The following OR6N1 variants were observed in gnomAD, a reference collection of about 807,000 sequenced individuals.
The protein encoded by OR6N1 is olfactory receptor family 6 subfamily N member 1.
For synonymous variants in OR6N1, 170 were observed against 150.7 expected (o/e 1.13, Z -0.94); for missense variants, 394 against 371.7 (o/e 1.06, Z -0.49).
At chr1:158,790,681 G>A in the OR6N1 span, among the ~76,000 whole-genome samples, 1 of 152,322 alleles carries the variant, frequency 6.6e-6, no homozygotes, top group South Asian at 2.1e-4. Context: ...TGGGATTACA[G>A]GCGTGAGCCA....
chr1:158,805,569 C>T, the OR6N1 span, among the ~76,000 whole-genome samples: 2 of 152,086 alleles, frequency 1.3e-5, no homozygotes, highest in Non-Finnish European at 2.9e-5. Context: ...CTCAGTAACT[C>T]AGCACATCTG....
upstream of OR6N1, chr1:158,776,870 T>C (rs1657611398): frequency 3.1e-6 from 5 of 1,614,164 alleles, no homozygotes; most frequent in Non-Finnish European, 4.2e-6. Flanking sequence ...TACATGAAGA[T>C]GATGCTCCCA....
upstream of OR6N1, among the ~76,000 whole-genome samples, chr1:158,772,566 C>T (rs1470512520): frequency 6.6e-6 from 1 of 152,138 alleles, no homozygotes; most frequent in African/African-American, 2.4e-5. Flanking sequence ...TTTGACTGAC[C>T]TTCTTTGACC....
chr1:158,812,910 A>T, the OR6N1 span, among the ~76,000 whole-genome samples: 12,977 of 152,228 alleles, frequency 0.085, 650 homozygotes, highest in East Asian at 0.12. Flanking sequence ...GGAAAATATG[A>T]GATGTCTAAC....
the OR6N1 span, among the ~76,000 whole-genome samples, chr1:158,837,500 A>G: frequency 6.6e-6 from 1 of 151,606 alleles, no homozygotes; most frequent in Non-Finnish European, 1.5e-5. Context: ...TTTTTATTTT[A>G]TCTGATCCTA....
At chr1:158,800,488 G>A in the OR6N1 span, among the ~76,000 whole-genome samples, 1 of 152,168 alleles carries the variant, frequency 6.6e-6, no homozygotes, top group Non-Finnish European at 1.5e-5. Context: ...TGAGCTGGAT[G>A]CTCAGAGAAA....
chr1:158,785,953 T>C, the OR6N1 span, among the ~76,000 whole-genome samples: 1 of 151,870 alleles, frequency 6.6e-6, no homozygotes, highest in African/African-American at 2.4e-5. Flanking sequence ...CTAAATCTCA[T>C]GATCATGACT....
chr1:158,830,697 C>A, the OR6N1 span, among the ~76,000 whole-genome samples: 1 of 152,122 alleles, frequency 6.6e-6, no homozygotes, highest in African/African-American at 2.4e-5. Flanking sequence ...ATGATATGAA[C>A]CAACTATCCA....
At chr1:158,806,458 C>T in the OR6N1 span, among the ~76,000 whole-genome samples, 2 of 152,102 alleles carry the variant, frequency 1.3e-5, no homozygotes, top group Non-Finnish European at 2.9e-5. Flanking sequence ...ACATGCTTAA[C>T]GTTCTTTTAT....
the OR6N1 span, among the ~76,000 whole-genome samples, chr1:158,820,970 G>C: frequency 6.6e-6 from 1 of 152,182 alleles, no homozygotes; most frequent in African/African-American, 2.4e-5. Context: ...TAGAGAAGAA[G>C]TTCAATGAAT....
upstream of OR6N1, chr1:158,775,426 G>C (rs148511695): frequency 6.6e-6 from 1 of 152,160 alleles, no homozygotes; most frequent in Non-Finnish European, 1.5e-5. Flanking sequence ...GGGAGTAGAG[G>C]TATGAATCTA....
chr1:158,801,290 C>A, the OR6N1 span, among the ~76,000 whole-genome samples: 1 of 151,628 alleles, frequency 6.6e-6, no homozygotes, highest in African/African-American at 2.4e-5. Context: ...TTGTTAAATG[C>A]CGGGGTTTTT....
the OR6N1 span, among the ~76,000 whole-genome samples, chr1:158,787,911 G>C: frequency 6.6e-6 from 1 of 152,078 alleles, no homozygotes; most frequent in African/African-American, 2.4e-5. Flanking sequence ...TATCCACCAG[G>C]CATCCTGGAA....
At chr1:158,768,724 A>C (rs182735522) in intron 1 of OR6N1, among the ~76,000 whole-genome samples, 5 of 152,246 alleles carry the variant, frequency 3.3e-5, no homozygotes, top group Non-Finnish European at 7.4e-5. Context: ...TAGCTCTTTC[A>C]TTTATTTCAT....
At chr1:158,789,509 C>T in the OR6N1 span, among the ~76,000 whole-genome samples, 1 of 152,102 alleles carries the variant, frequency 6.6e-6, no homozygotes, top group African/African-American at 2.4e-5. Context: ...TTTACCCTCT[C>T]TTTTTTATAA....
chr1:158,833,493 C>G, the OR6N1 span, among the ~76,000 whole-genome samples: 1 of 152,214 alleles, frequency 6.6e-6, no homozygotes, highest in South Asian at 2.1e-4. Flanking sequence ...ATTCCCCTTT[C>G]CTCCAGAGCT....
At chr1:158,837,724 T>G in the OR6N1 span, among the ~76,000 whole-genome samples, 1 of 151,864 alleles carries the variant, frequency 6.6e-6, no homozygotes, top group East Asian at 1.9e-4. Flanking sequence ...TTTGAACTAA[T>G]TATTGATAAG....
At chr1:158,801,980 T>C in the OR6N1 span, among the ~76,000 whole-genome samples, 9 of 152,276 alleles carry the variant, frequency 5.9e-5, no homozygotes, top group African/African-American at 2.2e-4. Flanking sequence ...CTGGAAATGC[T>C]GACCTCCCAG....
chr1:158,787,955 A>G, the OR6N1 span, among the ~76,000 whole-genome samples: 42 of 152,300 alleles, frequency 2.8e-4, no homozygotes, highest in African/African-American at 9.6e-4. Flanking sequence ...TTTGTCTGAC[A>G]GGATGATGGC....
Sources: allele counts gnomAD v4.1 joint callset (sites outside exome capture counted in the v4.1 genomes callset), GRCh38; gene constraint gnomAD v4.1.1; transcripts MANE v1.5; gene names NCBI Gene and HGNC (gene_info 2026-07-23, HGNC 2026-07-21).